ZNF568: variants seen among roughly 807,000 people sequenced by gnomAD.
The protein encoded by ZNF568 is zinc finger protein 568.
In ZNF568, 11 loss-of-function variants were observed where a neutral mutation model predicts 18.1. That is an observed-to-expected ratio of 0.61 (90% confidence interval 0.38 to 1.00). ZNF568 has a LOEUF of 1.00. Among genes scored for constraint, ZNF568 ranks in the 50% least tolerant of loss-of-function variants. ZNF568 has a pLI of 0.01. For missense variants in ZNF568, 639 were observed against 768.2 expected (o/e 0.83, Z 1.99); for synonymous variants, 213 against 246.6 (o/e 0.86, Z 1.28).
At chr19:36,948,916 T>A (rs1262246230) in intron 6 of ZNF568, among the ~76,000 whole-genome samples, 2 of 152,270 alleles carry the variant, frequency 1.3e-5, no homozygotes, top group Middle Eastern at 3.4e-3. Flanking sequence ...CAGTGATTTC[T>A]GGCCAAATCT....
intron 6 of ZNF568, among the ~76,000 whole-genome samples, chr19:36,964,774 C>T (rs2146326101): frequency 6.6e-6 from 1 of 152,244 alleles, no homozygotes; most frequent in African/African-American, 2.4e-5. Flanking sequence ...ATGATCACCA[C>T]TCCAGCCTTG....
At chr19:36,964,386 G>T (rs2074178460) in intron 6 of ZNF568, among the ~76,000 whole-genome samples, 1 of 152,128 alleles carries the variant, frequency 6.6e-6, no homozygotes. Flanking sequence ...AGATCTCCTG[G>T]TGTCCAGAAC....
intron 7 of ZNF568, among the ~76,000 whole-genome samples, chr19:36,978,677 C>A (rs1037442941): frequency 1.3e-5 from 2 of 152,158 alleles, no homozygotes; most frequent in African/African-American, 4.8e-5. Context: ...TTAATTATTT[C>A]ATCTGTGAGA....
intron 6 of ZNF568, among the ~76,000 whole-genome samples, chr19:36,958,459 G>C (rs1273269248): frequency 6.6e-6 from 1 of 151,778 alleles, no homozygotes; most frequent in East Asian, 1.9e-4. Context: ...AGGCCTGTTT[G>C]GATTGTCTGT....
At chr19:36,933,965 A>T (rs2073743181) in intron 4 of ZNF568, among the ~76,000 whole-genome samples, 1 of 90,570 alleles carries the variant, frequency 1.1e-5, no homozygotes, top group Admixed American at 1.2e-4. Context: ...TCTTGTTACA[A>T]GTCTTTTCAT....
chr19:36,952,799 C>G (rs1462091974), downstream of ZNF568: 1 of 524,774 alleles, frequency 1.9e-6, no homozygotes, highest in Non-Finnish European at 2.4e-6. Context: ...CAAGGGAAGC[C>G]TGTGCCCATA....
chr19:36,964,584 G>A (rs2074180108), intron 6 of ZNF568, among the ~76,000 whole-genome samples: 2 of 152,148 alleles, frequency 1.3e-5, no homozygotes, highest in African/African-American at 4.8e-5. Flanking sequence ...AAGCCAGGGT[G>A]GGAAGATAGC....
chr19:36,956,343 C>T (rs1426049808), downstream of ZNF568, among the ~76,000 whole-genome samples: 1 of 152,258 alleles, frequency 6.6e-6, no homozygotes, highest in Non-Finnish European at 1.5e-5. Flanking sequence ...GCTTGGCCCA[C>T]GTTGCCTCAG....
intron 6 of ZNF568, among the ~76,000 whole-genome samples, chr19:36,967,346 C>G (rs2074201869): frequency 6.6e-6 from 1 of 152,100 alleles, no homozygotes; most frequent in South Asian, 2.1e-4. Context: ...GGTGGATCAC[C>G]TGAGGTCAGG....
At chr19:36,945,733 TTA>T (rs200755738) in intron 6 of ZNF568, among the ~76,000 whole-genome samples, 1,024 of 41,992 alleles carry the variant, frequency 0.024, 27 homozygotes, top group East Asian at 0.16. Flanking sequence ...AAATGTGTGA[TTA>T]TATGTGTGTG....
At chr19:36,923,536 G>A (rs1027507557) in intron 3 of ZNF568, among the ~76,000 whole-genome samples, 5 of 151,296 alleles carry the variant, frequency 3.3e-5, no homozygotes, top group African/African-American at 9.7e-5. Flanking sequence ...CTTGCAATAT[G>A]AGAACTTTAA....
chr19:36,974,190 T>C (rs1262909268), intron 6 of ZNF568, among the ~76,000 whole-genome samples: 2 of 151,998 alleles, frequency 1.3e-5, no homozygotes, highest in Non-Finnish European at 2.9e-5. Context: ...GTTTCCCAAG[T>C]TAGGCTGTTA....
intron 2 of ZNF568, among the ~76,000 whole-genome samples, chr19:36,987,537 T>TCCAGAGCTGGGCCTGC (rs1242655801): frequency 6.6e-6 from 1 of 152,300 alleles, no homozygotes; most frequent in African/African-American, 2.4e-5. Flanking sequence ...GAAATCTTTG[T>TCCAGAGCTGGGCCTGC]CCAGAGCTGG....
Position 36,950,405 on chromosome 19 carries a change from T to C in ZNF568, c.1252T>C (p.Tyr418His), listed in dbSNP as rs764174397. ...GAGAAGTCACACTGGTGAGAAACCC[T>C]ATGTATGTAGTGAATGTGGGAAAGC... is the stretch of plus-strand genomic sequence containing the variant. ...HMRSHTGEKP[Y>H]VCSECGKAFS... is the part of the protein sequence containing the mutation. The change falls in exon 7 of 7, where the codon TAT becomes CAT. Residue 418 changes from tyrosine (Y) to histidine (H), a missense_variant. Coordinates refer to ENST00000333987, the MANE Select transcript of ZNF568 (RefSeq NM_198539.4). The C allele has an allele frequency of 6.2e-7, 1 of 1,613,954 alleles. No homozygotes were observed. Among genetic ancestry groups the C allele is most frequent in the Non-Finnish European group, 8.5e-7 (1 of 1,180,000 alleles).
intron 2 of ZNF568, among the ~76,000 whole-genome samples, chr19:36,989,265 C>T (rs1196227547): frequency 6.6e-6 from 1 of 152,164 alleles, no homozygotes; most frequent in Non-Finnish European, 1.5e-5. Flanking sequence ...TCACTGCAAC[C>T]TCTGCCTCCC....
intron 6 of ZNF568, 66 bp downstream of exon 6, chr19:36,937,308 A>G (rs2073807967): frequency 1.5e-6 from 2 of 1,337,728 alleles, no homozygotes; most frequent in Middle Eastern, 1.9e-4. Context: ...AAGGGTTGAT[A>G]TCATTTCACA....
chr19:36,938,279 T>C (rs1167409739), intron 6 of ZNF568, among the ~76,000 whole-genome samples: 1 of 152,148 alleles, frequency 6.6e-6, no homozygotes, highest in East Asian at 1.9e-4. Context: ...AAGAAAGCTA[T>C]AAAACCATCC....
In ZNF568 at chr19:36,925,195, C is replaced by A. The variant is rs563173111; in HGVS notation, c.77-5C>A. ...AGCAAATCTGTTTCATTTCTCTTCC[C>A]TCAGCTTGGTGTTCTCAAGAGTCTG... is the stretch of plus-strand genomic sequence containing the variant. On this transcript the variant is annotated splice_region_variant and splice_polypyrimidine_tract_variant and intron_variant, in intron 3 of 6. Transcript: ENST00000333987. 82 of 1,613,938 alleles carry A rather than the reference C, an allele frequency of 5.1e-5. No individual in the cohort carries two copies. The South Asian group carries it at 7.9e-4, about 16-fold the overall frequency.
intron 6 of ZNF568, 88 bp downstream of exon 6, chr19:36,937,330 T>G (rs1377446209): frequency 1.8e-6 from 2 of 1,081,354 alleles, no homozygotes; most frequent in Non-Finnish European, 2.7e-6. Context: ...TTTCCAAGAT[T>G]TTCTTAAAGG....
Sources: allele counts gnomAD v4.1 joint callset (sites outside exome capture counted in the v4.1 genomes callset), GRCh38; gene constraint gnomAD v4.1.1; transcripts MANE v1.5; gene names NCBI Gene and HGNC (gene_info 2026-07-23, HGNC 2026-07-21).